KRT2: variants seen among roughly 807,000 people sequenced by gnomAD.
KRT2 encodes the protein keratin 2.
In KRT2, 37 loss-of-function variants were observed where a neutral mutation model predicts 48.5. The observed-to-expected ratio is 0.76, with a 90% CI of 0.59 to 1.00. KRT2 has a LOEUF of 1.00. Ranked by LOEUF, KRT2 falls within the 50% of genes least tolerant of loss-of-function variation. The pLI is 0.00. For missense variants in KRT2, 880 were observed against 815.2 expected (o/e 1.08, Z -0.97); for synonymous variants, 324 against 312.2 (o/e 1.04, Z -0.40).
At chr12:52,650,223 A>T in intron 2 of KRT2, 116 bp downstream of exon 2, 2 of 915,850 alleles carry the variant, frequency 2.2e-6, no homozygotes, top group Non-Finnish European at 3.6e-6. Context: ...AAAGATACAT[A>T]TGCCTCTCCC....
At chr12:52,645,608 CTT>C (rs1565638496) in intron 7 of KRT2, 39 bp from the exon 8 acceptor site, 1 of 1,608,276 alleles carries the variant, frequency 6.2e-7, no homozygotes, top group Non-Finnish European at 8.5e-7. Context: ...TGGTGGAACA[CTT>C]AGGTTCTGTA....
rs866123256 is a variant in KRT2, at chr12:52,644,963, C to T, written c.*56G>A. Reference sequence around the variant, plus strand: ...TTAGAGGTACAGAGACAGGCTTCTACATTCTGGAGTGGGAGAGTCTGGGTT... The same window carrying T: ...TTAGAGGTACAGAGACAGGCTTCTATATTCTGGAGTGGGAGAGTCTGGGTT... On this transcript the variant is annotated 3_prime_UTR_variant, in exon 9 of 9. Coordinates refer to ENST00000309680, the MANE Select transcript of KRT2 (RefSeq NM_000423.3). 3.8e-6 allele frequency: 6 copies of T among 1,595,846 alleles called. No individual in the cohort carries two copies. The highest frequency in any genetic ancestry group is 5.2e-6 in the Non-Finnish European group (6 of 1,163,798).
intron 6 of KRT2, 77 bp from the exon 7 acceptor site, chr12:52,647,037 C>G: frequency 1.5e-6 from 2 of 1,354,384 alleles, no homozygotes; most frequent in Non-Finnish European, 2.1e-6. Context: ...GTGCAGGAAG[C>G]CAGAACCACT....
At position 52,645,236 on chromosome 12, in the gene KRT2, C is replaced by A; in HGVS notation, c.1703G>T (p.Gly568Val). 3 of 1,614,110 alleles carry A rather than the reference C, an allele frequency of 1.9e-6. No homozygotes were observed. The highest frequency in any genetic ancestry group is 2.5e-6 in the Non-Finnish European group (3 of 1,180,014). The change falls in exon 9 of 9, where the codon GGT becomes GTT. Residue 568 changes from glycine to valine, a missense_variant. By Grantham distance (109) the Gly-to-Val change is moderately radical. Coordinates refer to ENST00000309680, the MANE Select transcript of KRT2 (RefSeq NM_000423.3). ...ISGGGYGSGG[G>V]SGGRYGSGGG... Reference sequence around the variant, plus strand: ...ACCAGATCCGTATCTTCCTCCAGAACCACCGCCAGAGCCATATCCTCCTCC... The same window carrying A: ...ACCAGATCCGTATCTTCCTCCAGAAACACCGCCAGAGCCATATCCTCCTCC...
In KRT2 at chr12:52,652,199, A is replaced by T; in HGVS notation, c.-57T>A. ...CTCTTGAGAAGAGTCAAGGCTGGAGACTCAACTGTGCTGCTGGGAGGCTTT... is the reference window on the plus strand; with the variant it reads ...CTCTTGAGAAGAGTCAAGGCTGGAGTCTCAACTGTGCTGCTGGGAGGCTTT... On this transcript the variant is annotated 5_prime_UTR_variant, in exon 1 of 9. Coordinates refer to ENST00000309680, the MANE Select transcript of KRT2 (RefSeq NM_000423.3). The T allele has an allele frequency of 7.6e-7, 1 of 1,315,050 alleles. No homozygotes were observed. The highest frequency in any genetic ancestry group is 1.1e-6 in the Non-Finnish European group (1 of 944,170). The allele number at this position is 1,315,050 out of a possible 1,614,324, so 81.5% of individuals were successfully genotyped here.
rs554355398 is a variant in KRT2 at position 52,651,441 on chromosome 12, G to T, written c.585+117C>A. The T allele has an allele frequency of 1.3e-5, 11 of 838,514 alleles. No individual in the cohort carries two copies. In the East Asian group the frequency reaches 2.7e-4, roughly 21 times the overall value. 51.9% of individuals were successfully genotyped at this position (838,514 alleles called of 1,614,324 possible). A position where few individuals can be genotyped will look rare whatever the true frequency, so the allele number is the denominator to read the frequency against. On this transcript the variant is annotated intron_variant, in intron 1 of 8. Transcript: ENST00000309680. ...CATCTGGAAACCGCAAATGACCCAG[G>T]CTACTGCGGTACACCACTGGCTCCT...
chr12:52,651,650 C>T lies in KRT2; in HGVS notation c.493G>A (p.Val165Met), dbSNP rs776227434. 7.0e-5 allele frequency: 113 copies of T among 1,613,966 alleles called. 2 individuals carry two copies. Among genetic ancestry groups the T allele is most frequent in the South Asian group, 5.4e-4 (49 of 91,074 alleles). The change falls in exon 1 of 9, where the codon GTG becomes ATG. Residue 165 changes from valine (V) to methionine (M), a missense_variant. Coordinates refer to ENST00000309680, the MANE Select transcript of KRT2 (RefSeq NM_000423.3). ...TTCTGGATCTCTGGGTCAACTTTCA[C>T]GTTGAGAGGCTGCAGGAGGCTCTGG... ...VNQSLLQPLN[V>M]KVDPEIQNVK...
At chr12:52,646,634 AG>A (rs1941165464) in intron 7 of KRT2, 105 bp downstream of exon 7, 2 of 1,243,718 alleles carry the variant, frequency 1.6e-6, no homozygotes, top group Non-Finnish European at 2.3e-6. Flanking sequence ...AGTTGTCAGG[AG>A]GGCCTGCCCC....
rs186531871 is a variant in KRT2 at position 52,645,241 on chromosome 12, G to T, written c.1698C>A (p.Gly566=). 3.1e-6 allele frequency: 5 copies of T among 1,613,204 alleles called. No individual in the cohort carries two copies. The highest frequency in any genetic ancestry group is 4.5e-5 in the East Asian group (2 of 44,866). Residue 566 remains glycine (G), a synonymous_variant, in exon 9 of 9, where the codon GGC becomes GGA. Coordinates refer to ENST00000309680, the MANE Select transcript of KRT2 (RefSeq NM_000423.3). ...GSISGGGYGS[G]GGSGGRYGSG... Reference sequence around the variant, plus strand: ...ATCCGTATCTTCCTCCAGAACCACCGCCAGAGCCATATCCTCCTCCAGAGA... The same window carrying T: ...ATCCGTATCTTCCTCCAGAACCACCTCCAGAGCCATATCCTCCTCCAGAGA...
Position 52,644,930 on chromosome 12 carries a change from G to T in KRT2, c.*89C>A. 7.0e-7 allele frequency: 1 copy of T among 1,425,080 alleles called. No individual in the cohort carries two copies. Among genetic ancestry groups the T allele is most frequent in the Non-Finnish European group, 9.8e-7 (1 of 1,021,888 alleles). The allele number at this position is 1,425,080 out of a possible 1,614,324, so 88.3% of individuals were successfully genotyped here. Reference sequence around the variant, plus strand: ...GAGATAAATGACAAAAATTTAACTTGCTGCCAGTTAGAGGTACAGAGACAG... The same window carrying T: ...GAGATAAATGACAAAAATTTAACTTTCTGCCAGTTAGAGGTACAGAGACAG... On this transcript the variant is annotated 3_prime_UTR_variant, in exon 9 of 9. Coordinates refer to ENST00000309680, the MANE Select transcript of KRT2 (RefSeq NM_000423.3).
chr12:52,650,337 A>C lies in KRT2; in HGVS notation c.800+2T>G. ...CACTCAGCGTTTCACTCTGCCACCT[A>C]CTTCTTCTTATAATCCTCCACAAGA... On this transcript the variant is annotated splice_donor_variant, in intron 2 of 8. Transcript: ENST00000309680. LOFTEE classifies it high-confidence loss of function. 1 of 1,612,560 alleles carries C rather than the reference A, an allele frequency of 6.2e-7. No individual in the cohort carries two copies. Among genetic ancestry groups the C allele is most frequent in the African/African-American group, 1.3e-5 (1 of 74,996 alleles).
At chr12:52,647,659 A>G in intron 6 of KRT2, 71 bp downstream of exon 6, 3 of 1,580,084 alleles carry the variant, frequency 1.9e-6, no homozygotes, top group Non-Finnish European at 2.6e-6. Flanking sequence ...ATGCACACTC[A>G]CACACAACCA....
chr12:52,647,846 G>A lies in KRT2; in HGVS notation c.1132C>T (p.Leu378Phe), dbSNP rs750173212. The change falls in exon 6 of 9, where the codon CTC becomes TTC. Residue 378 changes from leucine to phenylalanine, a missense_variant. Coordinates refer to ENST00000309680, the MANE Select transcript of KRT2 (RefSeq NM_000423.3). Reference sequence around the variant, plus strand: ...CCATGTCTCCCGACAGTCACCTGGAGCTCCTCATACTGATATGGGGAGAAG... The same window carrying A: ...CCATGTCTCCCGACAGTCACCTGGAACTCCTCATACTGATATGGGGAGAAG... ...EALYHSKYEE[L>F]QVTVGRHGDS... 2 of 1,614,152 alleles carry A rather than the reference G, an allele frequency of 1.2e-6. No homozygotes were observed. Among genetic ancestry groups the A allele is most frequent in the Admixed American group, 1.7e-5 (1 of 60,030 alleles).
intron 4 of KRT2, 145 bp from the exon 5 acceptor site, chr12:52,648,482 C>A: frequency 1.3e-6 from 1 of 781,660 alleles, no homozygotes; most frequent in Non-Finnish European, 2.3e-6. Flanking sequence ...CCGTCTACTC[C>A]TGGGCCTCTC....
In KRT2 at chr12:52,651,823, C is replaced by A; in HGVS notation, c.320G>T (p.Gly107Val). The A allele has an allele frequency of 6.2e-7, 1 of 1,603,554 alleles. No homozygotes were observed. The highest frequency in any genetic ancestry group is 1.1e-5 in the South Asian group (1 of 90,544). Residue 107 changes from glycine to valine, a missense_variant, in exon 1 of 9, where the codon GGC (glycine) becomes GTC (valine). By Grantham distance (109) the Gly-to-Val change is moderately radical. Transcript: ENST00000309680. ...GGGSSFGGGS[G>V]FSGGGFGGGG... The stretch of plus-strand genomic sequence containing the variant: ...TCCACCGAAACCACCACCACTGAAG[C>A]CGCTGCCACCTCCAAAGCTGCTGCC...
rs1220854184 is a variant in KRT2, at chr12:52,645,580, G to A, written c.1470-11C>T. On this transcript the variant is annotated splice_polypyrimidine_tract_variant and intron_variant, in intron 7 of 8. Coordinates refer to ENST00000309680, the MANE Select transcript of KRT2 (RefSeq NM_000423.3). ...AGGTCTCCAGACATCCTGTAAGGGAGAGAGAAAAAACAAGTTGTGGTGGAA... is the reference window on the plus strand; with the variant it reads ...AGGTCTCCAGACATCCTGTAAGGGAAAGAGAAAAAACAAGTTGTGGTGGAA... 2.1e-5 allele frequency: 34 copies of A among 1,613,878 alleles called. No individual in the cohort carries two copies. The highest frequency in any genetic ancestry group is 2.6e-5 in the Non-Finnish European group (31 of 1,179,886).
At chr12:52,650,142 A>G (rs928268563) in intron 2 of KRT2, among the ~76,000 whole-genome samples, 168 bp from the exon 3 acceptor site, 1 of 152,192 alleles carries the variant, frequency 6.6e-6, no homozygotes, top group Non-Finnish European at 1.5e-5. Context: ...ATTTTTATAA[A>G]CTAACTCTCA....
At chr12:52,646,487 G>C (rs1369625430) in intron 7 of KRT2, among the ~76,000 whole-genome samples, 3 of 152,216 alleles carry the variant, frequency 2.0e-5, no homozygotes, top group Non-Finnish European at 2.9e-5. Flanking sequence ...TTTCAGAAAA[G>C]ACCAGGATGT....
chr12:52,650,476 G>T lies in KRT2; in HGVS notation c.663C>A (p.Arg221=), dbSNP rs1418557070. 4 of 1,613,966 alleles carry T rather than the reference G, an allele frequency of 2.5e-6. No individual in the cohort carries two copies. Among genetic ancestry groups the T allele is most frequent in the Non-Finnish European group, 3.4e-6 (4 of 1,180,028 alleles). Residue 221 remains arginine, a synonymous_variant, in exon 2 of 9, where the codon CGC becomes CGA. Transcript: ENST00000309680. ...ELLQQMNVGT[R]PINLEPIFQG... is the part of the protein sequence containing the mutation. ...GGAAGATGGGCTCCAGGTTGATGGG[G>T]CGGGTGCCAACATTCATTTGTTGTA...
Sources: gnomAD v4.1 joint callset for allele counts (sites outside exome capture counted in the v4.1 genomes callset) on GRCh38, gnomAD v4.1.1 for gene constraint, MANE v1.5 for transcripts, NCBI Gene and HGNC (gene_info 2026-07-23, HGNC 2026-07-21) for gene names.